The following GSE1 variants were observed in gnomAD, a reference collection of about 807,000 sequenced individuals.
The protein encoded by GSE1 is Gse1 coiled-coil protein.
Under a neutral mutation model 112.6 loss-of-function variants are expected in GSE1, and 32 were observed. The ratio of observed to expected loss-of-function variants is 0.28; its 90% CI spans 0.21 to 0.38. GSE1 has a LOEUF of 0.38. GSE1 is among the 10% of genes least tolerant of loss of function. GSE1 has a pLI of 1.00. For synonymous variants in GSE1, 1,115 were observed against 735.6 expected (o/e 1.52, Z -8.35); for missense variants, 2,348 against 1,699.2 (o/e 1.38, Z -6.71).
chr16:85,378,529 A>G (rs2047473554), intron 2 of GSE1, among the ~76,000 whole-genome samples: 4 of 152,176 alleles, frequency 2.6e-5, no homozygotes, highest in African/African-American at 9.7e-5. Context: ...CTCCCTCTCT[A>G]TAATCAGCAC....
In GSE1 at chr16:85,656,409, G is replaced by C. The variant is rs1372770662; in HGVS notation, c.1056G>C (p.Glu352Asp). Residue 352 changes from glutamate to aspartate, a missense_variant, in exon 7 of 16, where the codon GAG becomes GAC. Transcript: ENST00000253458. ...AGCGCGAGCGCGAGCGTGAGCGTGA[G>C]GCTGACCGCGAGCGGGAGAAGGAAC... Reference protein sequence around the residue: ...EREREREREREADREREKERE... With the variant: ...ERERERERERDADREREKERE... 18 of 1,566,762 alleles carry C rather than the reference G, an allele frequency of 1.1e-5. No individual in the cohort carries two copies. The highest frequency in any genetic ancestry group is 1.4e-5 in the Non-Finnish European group (16 of 1,149,730).
intron 2 of GSE1, among the ~76,000 whole-genome samples, chr16:85,547,551 T>G (rs964406879): frequency 1.3e-5 from 2 of 152,334 alleles, no homozygotes; most frequent in Admixed American, 1.3e-4. Flanking sequence ...AATTAATGTA[T>G]AATTTAATAC....
intron 1 of GSE1, among the ~76,000 whole-genome samples, chr16:85,569,519 T>G (rs2045894058): frequency 6.6e-6 from 1 of 152,150 alleles, no homozygotes. Context: ...TTAAAAGGCT[T>G]TGTACATTTC....
At chr16:85,513,862 G>T (rs993228256) in intron 2 of GSE1, among the ~76,000 whole-genome samples, 2 of 152,110 alleles carry the variant, frequency 1.3e-5, no homozygotes, top group African/African-American at 4.8e-5. Context: ...GGCAGGGCAC[G>T]TGTACAATGC....
chr16:85,353,410 C>G (rs569138633), intron 1 of GSE1, among the ~76,000 whole-genome samples: 2 of 152,306 alleles, frequency 1.3e-5, no homozygotes, highest in Admixed American at 1.3e-4. Context: ...TATGTTAGAC[C>G]GTTTGATGGA....
At chr16:85,533,785 A>G (rs1378399502) in intron 2 of GSE1, among the ~76,000 whole-genome samples, 2 of 152,058 alleles carry the variant, frequency 1.3e-5, no homozygotes. Flanking sequence ...GGATCGCTTG[A>G]GCCCGGGAGG....
chr16:85,339,477 C>T (rs2046578020), intron 1 of GSE1, among the ~76,000 whole-genome samples: 2 of 152,158 alleles, frequency 1.3e-5, no homozygotes, highest in African/African-American at 2.4e-5. Context: ...TTCCTTTTCC[C>T]CTTTCCACCC....
intron 2 of GSE1, among the ~76,000 whole-genome samples, chr16:85,636,522 A>G (rs1308284434): frequency 1.8e-4 from 27 of 152,140 alleles, no homozygotes; most frequent in Non-Finnish European, 2.4e-4. Context: ...ATTCTCATGG[A>G]GTCACCCGGA....
At chr16:85,273,471 C>A (rs1174104716) in intron 1 of GSE1, among the ~76,000 whole-genome samples, 1 of 152,134 alleles carries the variant, frequency 6.6e-6, no homozygotes, top group Non-Finnish European at 1.5e-5. Flanking sequence ...TATTACTCAG[C>A]CATAAAAAGG....
intron 1 of GSE1, among the ~76,000 whole-genome samples, chr16:85,320,861 C>T (rs2046092590): frequency 6.6e-6 from 1 of 152,198 alleles, no homozygotes; most frequent in African/African-American, 2.4e-5. Context: ...ACCAGGCATG[C>T]TTGTGCCCCA....
chr16:85,309,976 T>C (rs1460751963), intron 1 of GSE1, among the ~76,000 whole-genome samples: 1 of 152,230 alleles, frequency 6.6e-6, no homozygotes, highest in Non-Finnish European at 1.5e-5. Context: ...GGGTCACGGC[T>C]GTGCTTTCCA....
At chr16:85,391,625 C>T (rs1029729518) in intron 2 of GSE1, among the ~76,000 whole-genome samples, 8 of 152,182 alleles carry the variant, frequency 5.3e-5, no homozygotes, top group African/African-American at 1.7e-4. Flanking sequence ...TATAAGGACG[C>T]AGGTCGTAAT....
intron 1 of GSE1, among the ~76,000 whole-genome samples, chr16:85,175,884 A>C (rs1234808887): frequency 6.6e-6 from 1 of 152,186 alleles, no homozygotes; most frequent in Non-Finnish European, 1.5e-5. Context: ...AGGTTAAGCA[A>C]CTTGTCCAAG....
intron 1 of GSE1, among the ~76,000 whole-genome samples, chr16:85,211,632 G>A (rs1023532034): frequency 2.0e-5 from 3 of 152,172 alleles, no homozygotes; most frequent in African/African-American, 7.2e-5. Flanking sequence ...GGAACCACTT[G>A]GAGCTGTGTG....
chr16:85,663,128 G>C, intron 10 of GSE1, 35 bp downstream of exon 10: 1 of 1,451,854 alleles, frequency 6.9e-7, no homozygotes, highest in Non-Finnish European at 9.6e-7. Context: ...CATGCTCTGG[G>C]CTGGGCTCTC....
intron 1 of GSE1, among the ~76,000 whole-genome samples, chr16:85,336,913 C>T (rs987178890): frequency 2.6e-5 from 4 of 152,258 alleles, no homozygotes; most frequent in African/African-American, 9.6e-5. Flanking sequence ...CGTGTACACG[C>T]ATGCCCACAC....
At chr16:85,245,115 T>C (rs1394012438) in intron 1 of GSE1, among the ~76,000 whole-genome samples, 8 of 152,078 alleles carry the variant, frequency 5.3e-5, no homozygotes, top group Non-Finnish European at 2.9e-5. Context: ...TAAGCTATGA[T>C]TGTATCACTG....
At chr16:85,209,524 A>C (rs1356857776) in intron 1 of GSE1, among the ~76,000 whole-genome samples, 1 of 145,588 alleles carries the variant, frequency 6.9e-6, no homozygotes. Context: ...CCTCTCCCCC[A>C]TCACCATCGC....
In GSE1 at chr16:85,540,337, C is replaced by T. The variant is rs1488667017; in HGVS notation, c.2465-93577C>T. Reference sequence around the variant, plus strand: ...AGATTCCACCCTGCCTGTCCTTTCACACAGGGGCTGGTCAAGTTGCCCTTC... The same window carrying T: ...AGATTCCACCCTGCCTGTCCTTTCATACAGGGGCTGGTCAAGTTGCCCTTC... On this transcript the variant is annotated intron_variant, in intron 2 of 2. Transcript: ENST00000637419. Among the ~76,000 whole-genome samples, 4 of 152,328 alleles carry T rather than the reference C, an allele frequency of 2.6e-5. No homozygotes were observed. In the East Asian group the frequency reaches 5.8e-4, roughly 22 times the overall value.
Sources: gnomAD v4.1 joint callset for allele counts (sites outside exome capture counted in the v4.1 genomes callset) on GRCh38, gnomAD v4.1.1 for gene constraint, MANE v1.5 for transcripts, NCBI Gene and HGNC (gene_info 2026-07-23, HGNC 2026-07-21) for gene names.